Variants in EPHA10 observed in about 807,000 individuals in gnomAD.
The protein encoded by EPHA10 is EPH receptor A10.
Under a neutral mutation model 109.7 loss-of-function variants are expected in EPHA10, and 120 were observed. The observed-to-expected ratio is 1.09, with a 90% CI of 0.94 to 1.27. The LOEUF is 1.27. EPHA10 is among the 50% of genes most tolerant of loss of function. EPHA10 has a pLI of 0.00. For missense variants in EPHA10, 1,396 were observed against 1,411.1 expected, an observed-to-expected ratio of 0.99 and a Z score of 0.17; for synonymous variants, 640 against 618.9, an observed-to-expected ratio of 1.03 and a Z score of -0.51.
At chr1:37,749,341 C>T (rs1646288195) in intron 5 of EPHA10, among the ~76,000 whole-genome samples, 1 of 152,054 alleles carries the variant, frequency 6.6e-6, no homozygotes, top group Admixed American at 6.6e-5. Flanking sequence ...ATTTCCTTAA[C>T]ATGGCTTCTA....
chr1:37,746,667 ATATTCATAATAGTAT>A (rs911609538), intron 5 of EPHA10, among the ~76,000 whole-genome samples: 1 of 152,234 alleles, frequency 6.6e-6, no homozygotes, highest in African/African-American at 2.4e-5. Context: ...GAATACATTA[ATATTCATAATAGTAT>A]TATTCATAAT....
rs1166520528 is a variant in EPHA10, at chr1:37,717,953, G to C, written c.*419C>G. ...GACCCCCCCAGGACCCACGCTGTCTGACTGGTCAATGGGTCTGTGGGAAAA... is the reference window on the plus strand; with the variant it reads ...GACCCCCCCAGGACCCACGCTGTCTCACTGGTCAATGGGTCTGTGGGAAAA... On this transcript the variant is annotated 3_prime_UTR_variant, in exon 17 of 17. Transcript: ENST00000373048. The C allele has an allele frequency of 3.2e-5, 8 of 252,612 alleles. No individual in the cohort carries two copies. Among genetic ancestry groups the C allele is most frequent in the Admixed American group, 1.4e-4 (3 of 20,912 alleles). 15.6% of individuals were successfully genotyped at this position (252,612 alleles called of 1,614,324 possible).
rs570947557 is a variant in EPHA10, at chr1:37,718,799, G to A, written c.2774C>T (p.Ala925Val). The A allele has an allele frequency of 3.2e-5, 51 of 1,611,846 alleles. No homozygotes were observed. The highest frequency in any genetic ancestry group is 6.7e-5 in the East Asian group (3 of 44,858). Residue 925 changes from alanine (A) to valine (V), a missense_variant, in exon 16 of 17, where the codon GCG becomes GTG. Physicochemically the swap from Ala to Val is moderately conservative, Grantham distance 64 (BLOSUM62 0). Transcript: ENST00000373048. ...GGGGAAGGTGGAGAAGGCACGGTCC[G>A]CTAGTGGGGTGGGAGGCCTGCGGGT... ...TTCPRPPTPL[A>V]DRAFSTFPSF...
chr1:37,740,454 C>T (rs576133814), intron 5 of EPHA10, among the ~76,000 whole-genome samples: 12 of 152,084 alleles, frequency 7.9e-5, no homozygotes, highest in South Asian at 2.1e-4. Context: ...TACAGGTGCC[C>T]GCCACCACGC....
chr1:37,760,329 C>T (rs180873891), intron 3 of EPHA10: 12 of 1,047,020 alleles, frequency 1.1e-5, no homozygotes, highest in Admixed American at 5.5e-5. Context: ...ATAACCCCAT[C>T]ATCACCCTCT....
chr1:37,718,912 A>G, intron 15 of EPHA10, 96 bp from the exon 16 acceptor site: 2 of 1,458,026 alleles, frequency 1.4e-6, no homozygotes, highest in South Asian at 2.8e-5. Flanking sequence ...TGGACAGGAG[A>G]AGGGGAGGGT....
At chr1:37,757,163 A>AT (rs1288174676) in intron 3 of EPHA10, among the ~76,000 whole-genome samples, 3 of 151,960 alleles carry the variant, frequency 2.0e-5, no homozygotes, top group East Asian at 3.9e-4. Flanking sequence ...ATATGCCCTG[A>AT]TTTTTTCCCC....
chr1:37,762,839 CAGG>C lies in EPHA10; in HGVS notation c.114_116del (p.Leu39del). On this transcript the variant is annotated inframe_deletion, in exon 2 of 17. Coordinates refer to ENST00000373048, the MANE Select transcript of EPHA10 (RefSeq NM_001099439.2). ...GCTCGGCCTGGGAGGCTTTGGAATC[CAGG>C]AGGATAACTAAGGAGAGGGGAAGAC... is the stretch of plus-strand genomic sequence containing the variant. 6.4e-7 allele frequency: 1 copy of C among 1,552,464 alleles called. No homozygotes were observed. Among genetic ancestry groups the C allele is most frequent in the Non-Finnish European group, 8.7e-7 (1 of 1,147,256 alleles).
rs974561962 is a variant in EPHA10, at chr1:37,720,325, G to A, written c.2412+26C>T. On this transcript the variant is annotated intron_variant, in intron 13 of 16. Coordinates refer to ENST00000373048, the MANE Select transcript of EPHA10 (RefSeq NM_001099439.2). ...GCTTGGTGGGAACCAGAAGGCACAGGCAGGCTTGGCTGGGGGCGCCCTCAC... is the reference window on the plus strand; with the variant it reads ...GCTTGGTGGGAACCAGAAGGCACAGACAGGCTTGGCTGGGGGCGCCCTCAC... The A allele has an allele frequency of 3.8e-6, 6 of 1,575,976 alleles. No homozygotes were observed. In the Admixed American group the frequency reaches 5.3e-5, roughly 14 times the overall value.
chr1:37,748,916 A>ACC (rs1646279520), intron 5 of EPHA10, among the ~76,000 whole-genome samples: 3 of 106,922 alleles, frequency 2.8e-5, no homozygotes, highest in African/African-American at 1.0e-4. Flanking sequence ...CTTTCTTTTC[A>ACC]TCTTTTTTTT....
At chr1:37,733,045 A>C (rs1358161129) in intron 6 of EPHA10, among the ~76,000 whole-genome samples, 3 of 149,374 alleles carry the variant, frequency 2.0e-5, no homozygotes, top group Admixed American at 6.6e-5. Context: ...GGCACCCACC[A>C]CCATGTCTGG....
At chr1:37,740,762 C>T (rs1158296671) in intron 5 of EPHA10, among the ~76,000 whole-genome samples, 1 of 151,960 alleles carries the variant, frequency 6.6e-6, no homozygotes, top group Admixed American at 6.6e-5. Flanking sequence ...AAAGGGGTTT[C>T]CAAGAGAAGA....
chr1:37,755,610 A>G (rs1379982572), intron 3 of EPHA10, among the ~76,000 whole-genome samples: 2 of 152,168 alleles, frequency 1.3e-5, no homozygotes, highest in African/African-American at 4.8e-5. Flanking sequence ...TGTGGCCTTG[A>G]GCACATCAGT....
At chr1:37,719,736 A>G in intron 14 of EPHA10, 129 bp from the exon 15 acceptor site, 1 of 1,400,266 alleles carries the variant, frequency 7.1e-7, no homozygotes, top group African/African-American at 1.4e-5. Context: ...ACACAGACAC[A>G]CACACACACA....
chr1:37,762,361 A>G (rs1402949808), intron 2 of EPHA10, among the ~76,000 whole-genome samples: 1 of 152,156 alleles, frequency 6.6e-6, no homozygotes, highest in African/African-American at 2.4e-5. Flanking sequence ...CTCTCTGACC[A>G]GTGCCCTTTG....
At chr1:37,738,916 C>A (rs1646110424) in intron 5 of EPHA10, among the ~76,000 whole-genome samples, 1 of 152,158 alleles carries the variant, frequency 6.6e-6, no homozygotes, top group Non-Finnish European at 1.5e-5. Context: ...AAACCAAACA[C>A]CGCATGTTCT....
intron 5 of EPHA10, among the ~76,000 whole-genome samples, chr1:37,744,953 A>G (rs992175525): frequency 5.3e-5 from 8 of 152,230 alleles, no homozygotes; most frequent in Non-Finnish European, 8.8e-5. Flanking sequence ...ACACAGAGAA[A>G]AACACCTAGA....
intron 5 of EPHA10, among the ~76,000 whole-genome samples, chr1:37,741,512 C>A (rs1303853246): frequency 6.6e-6 from 1 of 152,084 alleles, no homozygotes; most frequent in Non-Finnish European, 1.5e-5. Context: ...CCAATTAAAA[C>A]ATAAAGACAC....
chr1:37,718,922 T>C, intron 15 of EPHA10, 106 bp from the exon 16 acceptor site: 3 of 1,418,880 alleles, frequency 2.1e-6, no homozygotes, highest in South Asian at 1.4e-5. Context: ...AAGGGGAGGG[T>C]AACCGGGCCC....
Sources: allele counts gnomAD v4.1 joint callset (sites outside exome capture counted in the v4.1 genomes callset), GRCh38; gene constraint gnomAD v4.1.1; transcripts MANE v1.5; gene names NCBI Gene and HGNC (gene_info 2026-07-23, HGNC 2026-07-21).